NELL1: variants seen among roughly 807,000 people sequenced by gnomAD.
NELL1 encodes the protein protein kinase C-binding protein NELL1.
In NELL1, 76 loss-of-function variants were observed where a neutral mutation model predicts 107.4. That is an observed-to-expected ratio of 0.71 (90% CI 0.59 to 0.86). NELL1 has a LOEUF of 0.86. Ranked by LOEUF, NELL1 falls within the 40% of genes least tolerant of loss-of-function variation. NELL1 has a pLI of 0.00. For synonymous variants in NELL1, 353 were observed against 341.2 expected, an observed-to-expected ratio of 1.03 and a Z score of -0.38; for missense variants, 1,024 against 1,005.5, an observed-to-expected ratio of 1.02 and a Z score of -0.25.
chr11:20,730,302 A>G (rs1049476614), intron 2 of NELL1, among the ~76,000 whole-genome samples: 10 of 152,170 alleles, frequency 6.6e-5, no homozygotes. Flanking sequence ...TTAACAGTCC[A>G]TGGAGAAGCA....
intron 12 of NELL1, among the ~76,000 whole-genome samples, chr11:21,100,846 T>TTTC (rs1854787997): frequency 1.3e-5 from 2 of 151,980 alleles, no homozygotes; most frequent in African/African-American, 4.8e-5. Flanking sequence ...TTCTTTCTTT[T>TTTC]TTTTAATTAT....
intron 4 of NELL1, among the ~76,000 whole-genome samples, chr11:20,877,974 G>A (rs996398271): frequency 6.6e-5 from 10 of 152,132 alleles, no homozygotes; most frequent in Admixed American, 2.6e-4. Context: ...GAGTAAATGC[G>A]TTGTTTGCAT....
intron 14 of NELL1, among the ~76,000 whole-genome samples, chr11:21,277,832 A>T (rs1451875330): frequency 6.6e-6 from 1 of 152,180 alleles, no homozygotes; most frequent in Admixed American, 6.5e-5. Flanking sequence ...TCTCAGTCAT[A>T]GGTGGGAATT....
intron 12 of NELL1, among the ~76,000 whole-genome samples, chr11:21,013,663 T>C (rs1025281981): frequency 7.2e-5 from 11 of 152,128 alleles, no homozygotes; most frequent in Non-Finnish European, 1.5e-4. Context: ...GAGCTTGCAG[T>C]CTTCCTTACT....
At chr11:21,254,738 G>A (rs1009519095) in intron 14 of NELL1, among the ~76,000 whole-genome samples, 11 of 152,030 alleles carry the variant, frequency 7.2e-5, no homozygotes, top group Non-Finnish European at 8.8e-5. Flanking sequence ...TAGTTGGTGA[G>A]CTTTCTATTT....
At chr11:21,565,635 T>G (rs558683225) in intron 17 of NELL1, among the ~76,000 whole-genome samples, 1 of 152,032 alleles carries the variant, frequency 6.6e-6, no homozygotes, top group African/African-American at 2.4e-5. Flanking sequence ...AAAATTAGTT[T>G]TTCCTATCCC....
chr11:21,321,267 A>G (rs1306741238), intron 14 of NELL1, among the ~76,000 whole-genome samples: 2 of 152,108 alleles, frequency 1.3e-5, no homozygotes, highest in Non-Finnish European at 2.9e-5. Flanking sequence ...CAGCATCAGC[A>G]ATCCATCTCA....
chr11:21,316,672 T>C (rs1163268523), intron 14 of NELL1, among the ~76,000 whole-genome samples: 1 of 152,192 alleles, frequency 6.6e-6, no homozygotes, highest in Non-Finnish European at 1.5e-5. Context: ...GAATAGAGAA[T>C]TGTCTCCCTA....
chr11:21,346,474 T>C (rs1850684573), intron 14 of NELL1, among the ~76,000 whole-genome samples: 1 of 149,896 alleles, frequency 6.7e-6, no homozygotes, highest in Non-Finnish European at 1.5e-5. Context: ...AAATAAATTA[T>C]ATCAATATAA....
At chr11:20,761,762 G>A (rs1163009275) in intron 2 of NELL1, among the ~76,000 whole-genome samples, 1 of 152,170 alleles carries the variant, frequency 6.6e-6, no homozygotes, top group Non-Finnish European at 1.5e-5. Flanking sequence ...TTGCATGTGT[G>A]ATAAAACAAG....
chr11:20,885,197 A>T (rs541660723), intron 4 of NELL1, among the ~76,000 whole-genome samples: 4 of 152,328 alleles, frequency 2.6e-5, no homozygotes, highest in African/African-American at 7.2e-5. Context: ...CATTGCTCAG[A>T]GTGGACACTC....
chr11:21,223,172 TTCTCTC>T (rs150520314), intron 13 of NELL1, among the ~76,000 whole-genome samples: 1 of 150,846 alleles, frequency 6.6e-6, no homozygotes, highest in Non-Finnish European at 1.5e-5. Flanking sequence ...TTGGAATCTC[TTCTCTC>T]TCTCTCTCTC....
chr11:21,544,457 A>G (rs944950610), intron 16 of NELL1, among the ~76,000 whole-genome samples: 1 of 151,994 alleles, frequency 6.6e-6, no homozygotes, highest in Admixed American at 6.6e-5. Flanking sequence ...TGATTAGAGA[A>G]TATCAAAGAA....
chr11:21,531,930 T>G (rs1241321705), intron 15 of NELL1, among the ~76,000 whole-genome samples: 2 of 152,172 alleles, frequency 1.3e-5, no homozygotes, highest in Non-Finnish European at 2.9e-5. Flanking sequence ...TTGCTTTATA[T>G]ACTACTGTGA....
At chr11:21,469,570 C>CT (rs1854122165) in intron 15 of NELL1, among the ~76,000 whole-genome samples, 2 of 151,998 alleles carry the variant, frequency 1.3e-5, no homozygotes, top group African/African-American at 4.8e-5. Context: ...AATGGACTTC[C>CT]TTTTTTCTTC....
intron 15 of NELL1, among the ~76,000 whole-genome samples, chr11:21,454,307 T>C (rs1483002103): frequency 6.6e-6 from 1 of 151,224 alleles, no homozygotes; most frequent in East Asian, 1.9e-4. Context: ...ATATGCCACA[T>C]TTTCTTAATC....
At chr11:21,227,519 G>C (rs945568616) in intron 13 of NELL1, among the ~76,000 whole-genome samples, 1 of 152,164 alleles carries the variant, frequency 6.6e-6, no homozygotes, top group Admixed American at 6.5e-5. Flanking sequence ...ATTTAAAGAA[G>C]GAGGCTGAAA....
chr11:21,270,212 G>A (rs951666847), intron 14 of NELL1, among the ~76,000 whole-genome samples: 2 of 152,026 alleles, frequency 1.3e-5, no homozygotes, highest in African/African-American at 4.8e-5. Context: ...TCAACAATCA[G>A]TGGTCTAAAT....
intron 15 of NELL1, among the ~76,000 whole-genome samples, chr11:21,474,929 C>G (rs527286187): frequency 6.6e-6 from 1 of 152,078 alleles, no homozygotes; most frequent in Non-Finnish European, 1.5e-5. Context: ...TTTGACCAAG[C>G]TTTTGTTGCA....
Sources: gnomAD v4.1 joint callset for allele counts (sites outside exome capture counted in the v4.1 genomes callset) on GRCh38, gnomAD v4.1.1 for gene constraint, MANE v1.5 for transcripts, NCBI Gene and HGNC (gene_info 2026-07-23, HGNC 2026-07-21) for gene names.